The following SORCS3 variants were observed in gnomAD, a reference collection of about 807,000 sequenced individuals.
SORCS3 encodes VPS10 domain-containing receptor SorCS3.
SORCS3 carries 57 observed loss-of-function variants against 146.3 expected under a neutral mutation model. The observed-to-expected ratio is 0.39, with a 90% CI of 0.31 to 0.49. The LOEUF is 0.49. SORCS3 is among the 20% of genes least tolerant of loss of function. The pLI, the probability that SORCS3 is intolerant of heterozygous loss-of-function variation, is 0.92. For synonymous variants in SORCS3, 653 were observed against 618.5 expected (o/e 1.06, Z -0.83); for missense variants, 1,341 against 1,575.5 (o/e 0.85, Z 2.52).
At chr10:104,767,543 C>A (rs1452107052) in intron 1 of SORCS3, among the ~76,000 whole-genome samples, 1 of 151,852 alleles carries the variant, frequency 6.6e-6, no homozygotes, top group Non-Finnish European at 1.5e-5. Context: ...GAAATTGCAG[C>A]CTTCTCCCCC....
intron 1 of SORCS3, among the ~76,000 whole-genome samples, chr10:104,787,778 G>A (rs1347501127): frequency 6.6e-6 from 1 of 152,122 alleles, no homozygotes. Flanking sequence ...CGCTACCCTG[G>A]CCCCGAATCC....
intron 1 of SORCS3, among the ~76,000 whole-genome samples, chr10:104,721,488 A>T (rs1029554868): frequency 4.6e-5 from 7 of 151,700 alleles, no homozygotes; most frequent in African/African-American, 1.7e-4. Context: ...ATGAACTTTA[A>T]AGTAGTTTTT....
At chr10:104,762,534 T>G (rs1340956003) in intron 1 of SORCS3, among the ~76,000 whole-genome samples, 1 of 152,140 alleles carries the variant, frequency 6.6e-6, no homozygotes, top group African/African-American at 2.4e-5. Flanking sequence ...TGACTTCACA[T>G]TAGAAACGCT....
chr10:104,852,692 T>C (rs997208079), intron 2 of SORCS3, among the ~76,000 whole-genome samples: 1 of 152,220 alleles, frequency 6.6e-6, no homozygotes, highest in Non-Finnish European at 1.5e-5. Flanking sequence ...CCTTTCCCTC[T>C]ACCCATCTTT....
At chr10:105,105,783 C>A (rs376140392) in intron 7 of SORCS3, among the ~76,000 whole-genome samples, 1 of 152,158 alleles carries the variant, frequency 6.6e-6, no homozygotes, top group Non-Finnish European at 1.5e-5. Context: ...GTAACTTAGT[C>A]AAATTTCTAA....
At chr10:105,171,282 T>C (rs569338972) in intron 13 of SORCS3, among the ~76,000 whole-genome samples, 1 of 152,326 alleles carries the variant, frequency 6.6e-6, no homozygotes, top group Admixed American at 6.5e-5. Context: ...TGTGACCATG[T>C]ACTTTTGGAT....
chr10:105,222,140 C>T (rs1417023311), intron 19 of SORCS3, among the ~76,000 whole-genome samples: 1 of 144,392 alleles, frequency 6.9e-6, no homozygotes, highest in African/African-American at 2.6e-5. Flanking sequence ...CTCACTGCAT[C>T]CTCTGACTCC....
intron 1 of SORCS3, among the ~76,000 whole-genome samples, chr10:104,648,031 G>A (rs761121433): frequency 6.6e-6 from 1 of 152,202 alleles, no homozygotes; most frequent in Non-Finnish European, 1.5e-5. Flanking sequence ...TGGTCCTGCC[G>A]ACATGCTTTG....
At chr10:104,789,548 T>A (rs2017473421) in intron 1 of SORCS3, among the ~76,000 whole-genome samples, 1 of 152,198 alleles carries the variant, frequency 6.6e-6, no homozygotes, top group Admixed American at 6.5e-5. Flanking sequence ...AGGCAGGGTG[T>A]TACTGGGTTC....
chr10:105,121,510 T>A (rs557366534), intron 7 of SORCS3, among the ~76,000 whole-genome samples: 1 of 152,284 alleles, frequency 6.6e-6, no homozygotes, highest in East Asian at 1.9e-4. Flanking sequence ...TCATTTCGTT[T>A]TTCTCTGCAT....
intron 1 of SORCS3, among the ~76,000 whole-genome samples, chr10:104,646,841 G>A (rs1265440678): frequency 1.3e-5 from 2 of 152,078 alleles, no homozygotes; most frequent in African/African-American, 2.4e-5. Context: ...GGCTCTGTGG[G>A]ATGGATCGAA....
At chr10:105,158,156 CA>C (rs2056228766) in intron 10 of SORCS3, among the ~76,000 whole-genome samples, 1 of 152,048 alleles carries the variant, frequency 6.6e-6, no homozygotes, top group Admixed American at 6.5e-5. Context: ...TCACAGCATG[CA>C]TTTTTTTTTT....
At chr10:105,110,831 CTTA>C (rs2055854646) in intron 7 of SORCS3, among the ~76,000 whole-genome samples, 1 of 151,990 alleles carries the variant, frequency 6.6e-6, no homozygotes, top group African/African-American at 2.4e-5. Context: ...TTTATAAATC[CTTA>C]TTATATATTT....
chr10:105,188,617 T>A (rs2056493628), intron 14 of SORCS3, among the ~76,000 whole-genome samples: 1 of 152,212 alleles, frequency 6.6e-6, no homozygotes, highest in Non-Finnish European at 1.5e-5. Context: ...TGCTAAATAG[T>A]GGCTTCTGCT....
intron 1 of SORCS3, among the ~76,000 whole-genome samples, chr10:104,686,103 T>A (rs2016040253): frequency 6.6e-6 from 1 of 151,794 alleles, no homozygotes; most frequent in Non-Finnish European, 1.5e-5. Context: ...AGCACAGGCA[T>A]CTCTTTAGGG....
At chr10:104,922,793 A>G (rs1481672755) in intron 3 of SORCS3, among the ~76,000 whole-genome samples, 1 of 152,166 alleles carries the variant, frequency 6.6e-6, no homozygotes, top group Non-Finnish European at 1.5e-5. Flanking sequence ...AACTAAGTCT[A>G]CAGGTGAAAA....
At chr10:104,667,417 TTC>T (rs1024564880) in intron 1 of SORCS3, among the ~76,000 whole-genome samples, 11 of 152,180 alleles carry the variant, frequency 7.2e-5, no homozygotes, top group Non-Finnish European at 1.5e-4. Context: ...GATCTTCTCT[TTC>T]TCTAGACTAT....
At chr10:104,849,337 G>A (rs577133352) in intron 2 of SORCS3, among the ~76,000 whole-genome samples, 140 of 145,404 alleles carry the variant, frequency 9.6e-4, no homozygotes, top group Non-Finnish European at 1.5e-3. Flanking sequence ...ACTTGAACGC[G>A]GGAAGCGGAG....
chr10:105,113,477 G>A (rs1431255041), intron 7 of SORCS3, among the ~76,000 whole-genome samples: 4 of 151,924 alleles, frequency 2.6e-5, no homozygotes, highest in African/African-American at 9.7e-5. Flanking sequence ...ACCCTCTCCT[G>A]GTTGCCCCTA....
Sources: allele counts gnomAD v4.1 joint callset (sites outside exome capture counted in the v4.1 genomes callset), GRCh38; gene constraint gnomAD v4.1.1; transcripts MANE v1.5; gene names NCBI Gene and HGNC (gene_info 2026-07-23, HGNC 2026-07-21).